The following MITF variants were observed in gnomAD, a reference collection of about 807,000 sequenced individuals.
MITF encodes the protein microphthalmia-associated transcription factor.
In MITF, 17 loss-of-function variants were observed where a neutral mutation model predicts 60.5. That is an observed-to-expected ratio of 0.28 (90% CI 0.19 to 0.42). MITF has a LOEUF of 0.42. Among genes scored for constraint, MITF ranks in the 10% least tolerant of loss-of-function variants. The pLI, the probability that MITF is intolerant of heterozygous loss-of-function variation, is 1.00. For missense variants in MITF, 622 were observed against 683.5 expected (o/e 0.91, Z 1.00); for synonymous variants, 260 against 248.5 (o/e 1.05, Z -0.43).
intron 1 of MITF, among the ~76,000 whole-genome samples, chr3:69,741,417 A>T (rs901335645): frequency 6.6e-6 from 1 of 152,222 alleles, no homozygotes; most frequent in Non-Finnish European, 1.5e-5. Flanking sequence ...GGTAGCTGAT[A>T]CATAACATTA....
intron 1 of MITF, among the ~76,000 whole-genome samples, chr3:69,777,236 C>G (rs1016089035): frequency 3.3e-5 from 5 of 152,156 alleles, no homozygotes; most frequent in Middle Eastern, 3.2e-3. Flanking sequence ...TATTTCCTAT[C>G]TTAACTGAGA....
At chr3:69,823,934 G>A (rs1336202148) in intron 1 of MITF, among the ~76,000 whole-genome samples, 1 of 152,250 alleles carries the variant, frequency 6.6e-6, no homozygotes, top group South Asian at 2.1e-4. Flanking sequence ...TAAAGGCCAC[G>A]ACTCACACAT....
At chr3:69,756,271 T>C (rs1215595831) in intron 1 of MITF, among the ~76,000 whole-genome samples, 1 of 152,098 alleles carries the variant, frequency 6.6e-6, no homozygotes, top group Admixed American at 6.5e-5. Context: ...GTCCTAATGC[T>C]CTCCCTCCCC....
At chr3:69,864,069 G>A (rs572616538) in intron 1 of MITF, among the ~76,000 whole-genome samples, 65 of 152,148 alleles carry the variant, frequency 4.3e-4, no homozygotes, top group South Asian at 8.3e-4. Flanking sequence ...AAAATTGAGC[G>A]TTTATTATGC....
intron 2 of MITF, among the ~76,000 whole-genome samples, chr3:69,906,545 G>A (rs752244048): frequency 6.6e-6 from 1 of 152,148 alleles, no homozygotes; most frequent in Non-Finnish European, 1.5e-5. Flanking sequence ...TTCTCTGAAG[G>A]TGATTTATCT....
intron 1 of MITF, chr3:69,762,733 C>G (rs552129228): frequency 9.0e-6 from 2 of 222,298 alleles, no homozygotes; most frequent in African/African-American, 4.5e-5. Flanking sequence ...CATCTCCCTA[C>G]AGCAGAAGAT....
At chr3:69,900,959 T>A (rs992059197) in intron 2 of MITF, among the ~76,000 whole-genome samples, 3 of 152,060 alleles carry the variant, frequency 2.0e-5, no homozygotes, top group African/African-American at 7.2e-5. Flanking sequence ...CCAGAAGCTG[T>A]CCTATGTTCA....
intron 2 of MITF, among the ~76,000 whole-genome samples, chr3:69,893,087 A>G (rs1482541181): frequency 6.6e-6 from 1 of 152,174 alleles, no homozygotes; most frequent in Non-Finnish European, 1.5e-5. Flanking sequence ...TCTGGCTCAT[A>G]TATAGCCATG....
intron 1 of MITF, among the ~76,000 whole-genome samples, chr3:69,767,954 G>T (rs1195406951): frequency 2.0e-5 from 3 of 152,168 alleles, no homozygotes; most frequent in Non-Finnish European, 2.9e-5. Context: ...GGACAGTGAG[G>T]ACAAAAGTAA....
At chr3:69,746,350 G>T (rs1399546818) in intron 1 of MITF, among the ~76,000 whole-genome samples, 1 of 152,080 alleles carries the variant, frequency 6.6e-6, no homozygotes, top group Non-Finnish European at 1.5e-5. Context: ...GGACCTCAGT[G>T]TAAAAAAATG....
At chr3:69,911,234 G>A (rs747902284) in intron 2 of MITF, among the ~76,000 whole-genome samples, 7 of 152,076 alleles carry the variant, frequency 4.6e-5, no homozygotes, top group African/African-American at 1.2e-4. Context: ...AGGCCTCACC[G>A]GCCGTGTGGA....
rs576 is a variant in MITF at position 69,967,316 on chromosome 3, C to T, written c.*2068C>T. ...TATAGCTCTTTTCCTAGAATAGTGA[C>T]GCAAATCTGCATGAACAGCTAATTG... On this transcript the variant is annotated 3_prime_UTR_variant, in exon 10 of 10. Coordinates refer to ENST00000352241, the MANE Select transcript of MITF (RefSeq NM_001354604.2). 74,760 of 232,062 alleles carry T rather than the reference C, an allele frequency of 0.32. 12,639 individuals carry two copies. The highest frequency in any genetic ancestry group is 0.45 in the African/African-American group (20,526 of 45,190). 14.4% of individuals were successfully genotyped at this position (232,062 alleles called of 1,614,324 possible).
At chr3:69,912,023 G>A (rs2065235384) in intron 2 of MITF, among the ~76,000 whole-genome samples, 1 of 152,210 alleles carries the variant, frequency 6.6e-6, no homozygotes, top group South Asian at 2.1e-4. Context: ...CCATCAATAA[G>A]GGAGTAGATT....
chr3:69,947,386 CAT>C (rs2066123826), intron 5 of MITF, among the ~76,000 whole-genome samples: 1 of 152,140 alleles, frequency 6.6e-6, no homozygotes. Flanking sequence ...TGTTTTGAAA[CAT>C]GTGAGTGCCT....
At chr3:69,931,876 T>C (rs968594822) in intron 2 of MITF, among the ~76,000 whole-genome samples, 4 of 152,216 alleles carry the variant, frequency 2.6e-5, no homozygotes, top group African/African-American at 9.6e-5. Context: ...GACAGAATAA[T>C]GGAGACATGG....
intron 1 of MITF, among the ~76,000 whole-genome samples, chr3:69,832,207 G>T (rs919851634): frequency 6.6e-6 from 1 of 152,220 alleles, no homozygotes; most frequent in Non-Finnish European, 1.5e-5. Context: ...GTTGTAGACA[G>T]ATGATGGCTG....
intron 2 of MITF, among the ~76,000 whole-genome samples, chr3:69,907,986 C>T (rs1447930096): frequency 6.6e-6 from 1 of 152,132 alleles, no homozygotes; most frequent in African/African-American, 2.4e-5. Context: ...AGTTTCATTT[C>T]AAGAATGAGG....
intron 1 of MITF, among the ~76,000 whole-genome samples, chr3:69,743,449 A>G (rs919218820): frequency 2.6e-5 from 4 of 152,330 alleles, no homozygotes; most frequent in Non-Finnish European, 5.9e-5. Context: ...TATATTGTTC[A>G]TTGGGGCTAA....
chr3:69,868,878 G>A (rs1175527943), intron 1 of MITF, among the ~76,000 whole-genome samples: 1 of 146,278 alleles, frequency 6.8e-6, no homozygotes, highest in Non-Finnish European at 1.5e-5. Context: ...CAGCCTGGGA[G>A]ACAGAGGCAA....
Sources: allele counts gnomAD v4.1 joint callset (sites outside exome capture counted in the v4.1 genomes callset), GRCh38; gene constraint gnomAD v4.1.1; transcripts MANE v1.5; gene names NCBI Gene and HGNC (gene_info 2026-07-23, HGNC 2026-07-21).